ATXN10: variants seen among roughly 807,000 people sequenced by gnomAD.
The protein encoded by ATXN10 is ataxin-10.
ATXN10 carries 28 observed loss-of-function variants against 52.9 expected under a neutral mutation model. The ratio of observed to expected loss-of-function variants is 0.53; its 90% confidence interval spans 0.39 to 0.73. The LOEUF (loss-of-function observed/expected upper bound fraction) is 0.73, where lower values mean the gene tolerates loss of function less well. Ranked by LOEUF, ATXN10 falls within the 30% of genes least tolerant of loss-of-function variation. ATXN10 has a pLI of 0.00. For missense variants in ATXN10, 565 were observed against 577.0 expected (o/e 0.98, Z 0.21); for synonymous variants, 226 against 221.5 (o/e 1.02, Z -0.18).
chr22:45,793,928 C>A, intron 9 of ATXN10: 1 of 1,171,554 alleles, frequency 8.5e-7, no homozygotes, highest in Non-Finnish European at 1.1e-6. Context: ...CAGAGCAGGG[C>A]TGCCCTATAG....
intron 9 of ATXN10, among the ~76,000 whole-genome samples, chr22:45,801,162 G>A (rs554357862): frequency 7.9e-5 from 12 of 152,308 alleles, no homozygotes; most frequent in Admixed American, 4.6e-4. Flanking sequence ...GAGATCAGGC[G>A]TTTTCACCTT....
Position 45,841,232 on chromosome 22 carries a change from T to G in ATXN10, c.1238-1759T>G, listed in dbSNP as rs2032522524. ...GACTTTGTCACGAGAGAATGACAGA[T>G]AAATGACACAATAAGAACTTTTTCC... On this transcript the variant is annotated intron_variant, in intron 10 of 11. Coordinates refer to ENST00000252934, the MANE Select transcript of ATXN10 (RefSeq NM_013236.4). This position sits in a 1 kb window ranked among gnomAD's most constrained non-coding sequence, Gnocchi z 5.1. Among the ~76,000 whole-genome samples the G allele has an allele frequency of 6.6e-6, 1 of 152,352 alleles. No homozygotes were observed. Among genetic ancestry groups the G allele is most frequent in the South Asian group, 2.1e-4 (1 of 4,830 alleles).
chr22:45,740,241 A>T, intron 8 of ATXN10, 128 bp from the exon 9 acceptor site: 1 of 873,644 alleles, frequency 1.1e-6, no homozygotes, highest in Non-Finnish European at 1.8e-6. Flanking sequence ...ATCATTATTT[A>T]AATAAAGCTT....
At chr22:45,753,491 C>G (rs947093368) in intron 9 of ATXN10, among the ~76,000 whole-genome samples, 10 of 136,772 alleles carry the variant, frequency 7.3e-5, no homozygotes, top group Admixed American at 3.4e-4. Flanking sequence ...CTGCAACCTC[C>G]GCCTCCCGGG....
chr22:45,764,224 C>T (rs193223932), intron 9 of ATXN10, among the ~76,000 whole-genome samples: 1 of 152,020 alleles, frequency 6.6e-6, no homozygotes, highest in Non-Finnish European at 1.5e-5. Flanking sequence ...TTAGATCCAC[C>T]GCTACCCCCC....
chr22:45,792,746 A>G, intron 9 of ATXN10: 1 of 462,236 alleles, frequency 2.2e-6, no homozygotes, highest in East Asian at 5.6e-5. Context: ...TAAACAAGCC[A>G]AGGTTTTTCT....
At chr22:45,737,025 C>G (rs532432086) in intron 7 of ATXN10, among the ~76,000 whole-genome samples, 26 of 152,330 alleles carry the variant, frequency 1.7e-4, no homozygotes, top group African/African-American at 5.3e-4. Context: ...TGTTTTCCCT[C>G]TTGATTACCA....
chr22:45,675,211 C>T (rs1348106739), intron 1 of ATXN10: 4 of 152,174 alleles, frequency 2.6e-5, no homozygotes, highest in African/African-American at 9.7e-5. Context: ...TTCAGGAAGA[C>T]AGTTCTAATT....
intron 10 of ATXN10, among the ~76,000 whole-genome samples, chr22:45,817,317 ACT>A (rs1928494983): frequency 8.4e-6 from 1 of 119,418 alleles, no homozygotes; most frequent in Non-Finnish European, 1.7e-5. Flanking sequence ...CATTGATTTA[ACT>A]TTTTTTTTTT....
At chr22:45,800,676 A>G (rs1927902525) in intron 9 of ATXN10, among the ~76,000 whole-genome samples, 1 of 152,232 alleles carries the variant, frequency 6.6e-6, no homozygotes, top group South Asian at 2.1e-4. Flanking sequence ...TGCGGATAAA[A>G]CTGGTATCAA....
chr22:45,675,984 A>C (rs1922672119), intron 1 of ATXN10: 1 of 152,216 alleles, frequency 6.6e-6, no homozygotes, highest in Non-Finnish European at 1.5e-5. Flanking sequence ...TAATGTAGAT[A>C]TCACCGTATT....
rs1926715839 is a variant in ATXN10 at position 45,769,862 on chromosome 22, A to T, written c.1173+29324A>T. Among the ~76,000 whole-genome samples, 1 of 152,234 alleles carries T rather than the reference A, an allele frequency of 6.6e-6. No homozygotes were observed. The highest frequency in any genetic ancestry group is 2.4e-5 in the African/African-American group (1 of 41,458). ...TCTTAAGAGTGTCAGGAAGTTAAAA[A>T]ATATAAAAAATTTTCTGATGAAATG... On this transcript the variant is annotated intron_variant, in intron 9 of 11. Transcript: ENST00000252934. The surrounding 1 kb of genome is among the most constrained non-coding windows in gnomAD (Gnocchi z 4.2).
intron 5 of ATXN10, among the ~76,000 whole-genome samples, chr22:45,717,103 T>C (rs1924477251): frequency 6.6e-6 from 1 of 152,174 alleles, no homozygotes; most frequent in African/African-American, 2.4e-5. Context: ...AAATGCTATC[T>C]TCTTTTCCTT....
rs1346136196 is a variant in ATXN10, at chr22:45,820,791, G to A, written c.1237+13769G>A. Reference sequence around the variant, plus strand: ...TGGTGGTTGGTTTTTGTGAGCTGCCGGGAAAGTCGTCTTGGGGAATGGACA... The same window carrying A: ...TGGTGGTTGGTTTTTGTGAGCTGCCAGGAAAGTCGTCTTGGGGAATGGACA... On this transcript the variant is annotated intron_variant, in intron 10 of 11. Coordinates refer to ENST00000252934, the MANE Select transcript of ATXN10 (RefSeq NM_013236.4). The surrounding 1 kb of genome is among the most constrained non-coding windows in gnomAD (Gnocchi z 4.9). 6.6e-6 allele frequency among the ~76,000 whole-genome samples: 1 copy of A among 152,086 alleles called. No individual in the cohort carries two copies. Among genetic ancestry groups the A allele is most frequent in the Non-Finnish European group, 1.5e-5 (1 of 68,006 alleles).
intron 9 of ATXN10, among the ~76,000 whole-genome samples, chr22:45,771,832 A>G (rs1293621187): frequency 6.6e-6 from 1 of 152,170 alleles, no homozygotes; most frequent in Admixed American, 6.5e-5. Flanking sequence ...TGTGTTGTCC[A>G]GACTGACCTC....
chr22:45,710,765 C>T (rs965404847), intron 5 of ATXN10, among the ~76,000 whole-genome samples: 1 of 152,194 alleles, frequency 6.6e-6, no homozygotes, highest in African/African-American at 2.4e-5. Context: ...GTGACAGAGA[C>T]CATTTGGCCT....
chr22:45,746,105 T>TA (rs1405147567), intron 9 of ATXN10, among the ~76,000 whole-genome samples: 2 of 152,050 alleles, frequency 1.3e-5, no homozygotes, highest in Non-Finnish European at 2.9e-5. Flanking sequence ...TGCAAGTAAT[T>TA]AAAAAATATT....
intron 6 of ATXN10, among the ~76,000 whole-genome samples, chr22:45,725,152 C>T (rs1169500896): frequency 6.6e-6 from 1 of 151,850 alleles, no homozygotes; most frequent in Non-Finnish European, 1.5e-5. Flanking sequence ...TTTTTTGGTT[C>T]CATATGAATT....
In ATXN10 at chr22:45,740,754, G is replaced by GTA. The variant is rs144019432; in HGVS notation, c.1173+228_1173+229dup. Reference sequence around the variant, plus strand: ...CACACACACACGTGTGTGTGTGTGTGTATATATATATATGTATATGTTAAT... The same window carrying GTA: ...CACACACACACGTGTGTGTGTGTGTGTATATATATATATATGTATATGTTAAT... On this transcript the variant is annotated intron_variant, in intron 9 of 11. Coordinates refer to ENST00000252934, the MANE Select transcript of ATXN10 (RefSeq NM_013236.4). The GTA allele has an allele frequency of 0.093, 26,397 of 285,256 alleles. 1,911 individuals carry two copies. Among genetic ancestry groups the GTA allele is most frequent in the East Asian group, 0.25 (3,649 of 14,442 alleles). The allele number at this position is 285,256 out of a possible 1,614,324, so 17.7% of individuals were successfully genotyped here.
Sources: gnomAD v4.1 joint callset for allele counts (sites outside exome capture counted in the v4.1 genomes callset) on GRCh38, gnomAD v4.1.1 for gene constraint, Gnocchi (gnomAD v3.1) non-coding constraint, MANE v1.5 for transcripts, NCBI Gene and HGNC (gene_info 2026-07-23, HGNC 2026-07-21) for gene names.